MOCS2: variants seen among roughly 807,000 people sequenced by gnomAD.
MOCS2 encodes the protein molybdenum cofactor synthesis 2.
A neutral mutation model predicts 21.9 loss-of-function variants in MOCS2; 13 were observed. The ratio of observed to expected loss-of-function variants is 0.59; its 90% CI spans 0.39 to 0.94. The LOEUF (loss-of-function observed/expected upper bound fraction) is 0.94. Among genes scored for constraint, MOCS2 ranks in the 40% least tolerant of loss-of-function variants. MOCS2 has a pLI of 0.00. For synonymous variants in MOCS2, 92 were observed against 80.8 expected (o/e 1.14, Z -0.74); for missense variants, 227 against 218.3 (o/e 1.04, Z -0.25).
rs2112078239 is a variant in MOCS2 at position 53,097,928 on chromosome 5, T to G, written c.*674A>C. The G allele has an allele frequency of 6.6e-6, 1 of 152,334 alleles. No individual in the cohort carries two copies. Among genetic ancestry groups the G allele is most frequent in the African/African-American group, 2.4e-5 (1 of 41,580 alleles). 9.4% of individuals were successfully genotyped at this position (152,334 alleles called of 1,614,324 possible). On this transcript the variant is annotated 3_prime_UTR_variant, in exon 7 of 7. Coordinates refer to ENST00000396954, the MANE Select transcript of MOCS2 (RefSeq NM_004531.5). ...TAGCTTTATGACAATTTTGTGCTGATTTGTATATTGATACAAAATTAACAA... is the reference window on the plus strand; with the variant it reads ...TAGCTTTATGACAATTTTGTGCTGAGTTGTATATTGATACAAAATTAACAA...
intron 6 of MOCS2, 137 bp downstream of exon 6, chr5:53,100,274 G>T: frequency 3.0e-6 from 3 of 989,970 alleles, no homozygotes; most frequent in Non-Finnish European, 4.6e-6. Context: ...AACAAATCTT[G>T]GAAAGAAGAT....
At chr5:53,103,774 G>A (rs1489315600) in intron 3 of MOCS2, among the ~76,000 whole-genome samples, 1 of 152,170 alleles carries the variant, frequency 6.6e-6, no homozygotes, top group Non-Finnish European at 1.5e-5. Flanking sequence ...ACAGAACCTG[G>A]GGTCTGGGGG....
chr5:53,098,580 C>T lies in MOCS2; in HGVS notation c.*22G>A, dbSNP rs201639691. The stretch of plus-strand genomic sequence containing the variant: ...TAATAGTTTAACAAAGTTAAGATTG[C>T]ATGCTCTAAAAACATAAGTGATTAA... On this transcript the variant is annotated 3_prime_UTR_variant, in exon 7 of 7. Coordinates refer to ENST00000396954, the MANE Select transcript of MOCS2 (RefSeq NM_004531.5). The T allele has an allele frequency of 6.2e-7, 1 of 1,600,772 alleles. No homozygotes were observed. Among genetic ancestry groups the T allele is most frequent in the East Asian group, 2.2e-5 (1 of 44,730 alleles).
At chr5:53,100,723 G>C in intron 5 of MOCS2, 189 bp from the exon 6 acceptor site, 1 of 593,178 alleles carries the variant, frequency 1.7e-6, no homozygotes. Context: ...CAGTAGATGA[G>C]GCTGATGCTA....
intron 3 of MOCS2, among the ~76,000 whole-genome samples, chr5:53,103,645 AAAG>A (rs1422747510): frequency 6.6e-6 from 1 of 152,200 alleles, no homozygotes; most frequent in Non-Finnish European, 1.5e-5. Flanking sequence ...ATCAGGGGAG[AAAG>A]AAGCTCAAGC....
chr5:53,108,472 T>C, intron 2 of MOCS2, 50 bp downstream of exon 2: 3 of 1,505,820 alleles, frequency 2.0e-6, no homozygotes, highest in Non-Finnish European at 2.7e-6. Context: ...TTTATGTATT[T>C]TGAAAATATC....
Position 53,109,308 on chromosome 5 carries a change from G to C in MOCS2, c.-227C>G. 9.6e-7 allele frequency: 1 copy of C among 1,038,004 alleles called. No homozygotes were observed. Among genetic ancestry groups the C allele is most frequent in the Non-Finnish European group, 1.2e-6 (1 of 864,746 alleles). 64.3% of individuals were successfully genotyped at this position (1,038,004 alleles called of 1,614,324 possible). A position where few individuals can be genotyped will look rare whatever the true frequency, so the allele number is the denominator to read the frequency against. On this transcript the variant is annotated 5_prime_UTR_variant, in exon 1 of 7. Coordinates refer to ENST00000396954, the MANE Select transcript of MOCS2 (RefSeq NM_004531.5). Reference sequence around the variant, plus strand: ...TAATTACAGGTTTGCAAATGATCAAGGGTGTAGAAATCCACAGATGAAGCA... The same window carrying C: ...TAATTACAGGTTTGCAAATGATCAACGGTGTAGAAATCCACAGATGAAGCA...
Position 53,096,802 on chromosome 5 carries a change from C to A in MOCS2, c.*1800G>T, listed in dbSNP as rs531939397. ...AAGCCTACTTAATGAAGGCATGATT[C>A]TTTTAAAACATAAAGAATGTTCTAT... On this transcript the variant is annotated 3_prime_UTR_variant, in exon 7 of 7. Transcript: ENST00000396954. The A allele has an allele frequency of 5.3e-5, 8 of 152,306 alleles. No individual in the cohort carries two copies. The South Asian group carries it at 1.7e-3, about 32-fold the overall frequency. 9.4% of individuals were successfully genotyped at this position (152,306 alleles called of 1,614,324 possible). A position where few individuals can be genotyped will look rare whatever the true frequency, so the allele number is the denominator to read the frequency against.
Position 53,100,491 on chromosome 5 carries a change from A to C in MOCS2, c.421T>G (p.Ser141Ala), listed in dbSNP as rs778572055. The change falls in exon 6 of 7, where the codon TCA becomes GCA. Residue 141 changes from serine to alanine, a missense_variant. Coordinates refer to ENST00000396954, the MANE Select transcript of MOCS2 (RefSeq NM_004531.5). Reference protein sequence around the residue: ...SEASIIIAVSSAHRAASLEAV... With the variant: ...SEASIIIAVSAAHRAASLEAV... ...TCAAGAGATGCAGCTCTGTGGGCTG[A>C]GGACACAGCAATGATTATGCTTGCT... The C allele has an allele frequency of 6.2e-7, 1 of 1,613,842 alleles. No individual in the cohort carries two copies. The highest frequency in any genetic ancestry group is 2.2e-5 in the East Asian group (1 of 44,868).
Position 53,098,685 on chromosome 5 carries a change from A to G in MOCS2, c.502-18T>C. 1 of 1,567,304 alleles carries G rather than the reference A, an allele frequency of 6.4e-7. No individual in the cohort carries two copies. The highest frequency in any genetic ancestry group is 1.1e-5 in the South Asian group (1 of 90,138). On this transcript the variant is annotated intron_variant, in intron 6 of 6. Coordinates refer to ENST00000396954, the MANE Select transcript of MOCS2 (RefSeq NM_004531.5). ...TATATTTCCTAAAAAACAAAATCATAACAGGTATTAAAAATAGACCATTCT... is the reference window on the plus strand; with the variant it reads ...TATATTTCCTAAAAAACAAAATCATGACAGGTATTAAAAATAGACCATTCT...
At chr5:53,099,766 G>A (rs1304501035) in intron 6 of MOCS2, among the ~76,000 whole-genome samples, 3 of 152,214 alleles carry the variant, frequency 2.0e-5, no homozygotes, top group East Asian at 1.9e-4. Context: ...CAACCACAAC[G>A]CTGTAGGCAA....
chr5:53,100,552 GA>G lies in MOCS2; in HGVS notation c.378-19del, dbSNP rs745597665. The G allele has an allele frequency of 1.6e-5, 25 of 1,600,138 alleles. No individual in the cohort carries two copies. The highest frequency in any genetic ancestry group is 2.0e-5 in the Non-Finnish European group (23 of 1,172,864). The stretch of plus-strand genomic sequence containing the variant: ...GAACCAAGCTTTAACAAGATGAAGA[GA>G]AAAAAAAATCACCATCATCTCTGAA... On this transcript the variant is annotated intron_variant, in intron 5 of 6. Transcript: ENST00000396954.
intron 3 of MOCS2, 64 bp from the exon 4 acceptor site, chr5:53,102,288 A>G: frequency 1.4e-6 from 2 of 1,446,028 alleles, no homozygotes; most frequent in South Asian, 1.2e-5. Flanking sequence ...AACAACTTAT[A>G]GGCTCTTTCA....
intron 2 of MOCS2, chr5:53,108,098 A>T (rs545912905): frequency 6.5e-6 from 1 of 153,096 alleles, no homozygotes; most frequent in South Asian, 2.1e-4. Context: ...AAAAACTCAA[A>T]TTCAGCAGCA....
chr5:53,100,687 T>C, intron 5 of MOCS2, 153 bp from the exon 6 acceptor site: 1 of 761,818 alleles, frequency 1.3e-6, no homozygotes, highest in Non-Finnish European at 2.1e-6. Context: ...AAAAGAGTAA[T>C]TAATTGCAGT....
chr5:53,100,812 T>A (rs1313447650), intron 5 of MOCS2: 1 of 430,720 alleles, frequency 2.3e-6, no homozygotes, highest in Non-Finnish European at 4.3e-6. Context: ...AGAGCAAACA[T>A]CTGACTCAAC....
intron 3 of MOCS2, among the ~76,000 whole-genome samples, chr5:53,106,766 G>GT (rs949788699): frequency 5.3e-5 from 8 of 152,068 alleles, no homozygotes; most frequent in Non-Finnish European, 1.0e-4. Context: ...TTCTGAATTT[G>GT]TTTTTTTACC....
chr5:53,101,592 G>A, intron 4 of MOCS2, 83 bp from the exon 5 acceptor site: 2 of 1,014,060 alleles, frequency 2.0e-6, no homozygotes, highest in Admixed American at 4.1e-5. Context: ...AATAAAAAAG[G>A]AATATTTTTA....
In MOCS2 at chr5:53,095,687, A is replaced by G. The variant is rs1740707452; in HGVS notation, c.*2915T>C. 1 of 152,134 alleles carries G rather than the reference A, an allele frequency of 6.6e-6. No individual in the cohort carries two copies. Among genetic ancestry groups the G allele is most frequent in the Non-Finnish European group, 1.5e-5 (1 of 68,040 alleles). The allele number at this position is 152,134 out of a possible 1,614,324, so 9.4% of individuals were successfully genotyped here. The stretch of plus-strand genomic sequence containing the variant: ...TCTTAAAAAATAAAATGTTAGAGAA[A>G]GAGAGCACTAAGTTTTATTTCTTTG... On this transcript the variant is annotated 3_prime_UTR_variant, in exon 7 of 7. Transcript: ENST00000396954.
Sources: allele counts gnomAD v4.1 joint callset (sites outside exome capture counted in the v4.1 genomes callset), GRCh38; gene constraint gnomAD v4.1.1; transcripts MANE v1.5; gene names NCBI Gene and HGNC (gene_info 2026-07-23, HGNC 2026-07-21).